The following CEP120 variants were observed in gnomAD, a reference collection of about 807,000 sequenced individuals.
The protein encoded by CEP120 is centrosomal protein 120.
In CEP120, 113 loss-of-function variants were observed where a neutral mutation model predicts 126.5. The ratio of observed to expected loss-of-function variants is 0.89; its 90% CI spans 0.77 to 1.04. The LOEUF is 1.04. Ranked by LOEUF, CEP120 falls within the 50% of genes least tolerant of loss-of-function variation. The pLI is 0.00. For missense variants in CEP120, 1,230 were observed against 1,155.7 expected (o/e 1.06, Z -0.93); for synonymous variants, 400 against 394.3 (o/e 1.01, Z -0.17).
chr5:123,389,294 C>T (rs935695056), intron 8 of CEP120, among the ~76,000 whole-genome samples: 9 of 147,462 alleles, frequency 6.1e-5, no homozygotes, highest in Non-Finnish European at 1.1e-4. Flanking sequence ...CAGTTAACAA[C>T]TGTTTTCTCC....
intron 17 of CEP120, among the ~76,000 whole-genome samples, chr5:123,372,039 A>C (rs1439638908): frequency 2.0e-5 from 3 of 152,126 alleles, no homozygotes; most frequent in African/African-American, 7.2e-5. Flanking sequence ...TTGTTTGTGG[A>C]GGAATCTCAA....
At chr5:123,407,453 AAC>A (rs1773772075) in intron 4 of CEP120, among the ~76,000 whole-genome samples, 1 of 152,226 alleles carries the variant, frequency 6.6e-6, no homozygotes. Context: ...TTTCAGACAG[AAC>A]AGACTTCAGA....
chr5:123,385,632 T>C (rs952822471), intron 10 of CEP120, among the ~76,000 whole-genome samples: 1 of 152,066 alleles, frequency 6.6e-6, no homozygotes, highest in Non-Finnish European at 1.5e-5. Context: ...TTTTTTTTTT[T>C]TTGAGACAGG....
chr5:123,364,389 C>G (rs979141094), intron 18 of CEP120, 107 bp downstream of exon 18: 1 of 482,972 alleles, frequency 2.1e-6, no homozygotes, highest in Non-Finnish European at 3.6e-6. Context: ...CAAAAAATAG[C>G]AATATTCAAA....
At position 123,423,099 on chromosome 5, in the gene CEP120, C is replaced by T. The variant is rs1468296514; in HGVS notation, c.-101G>A. 2.0e-6 allele frequency: 2 copies of T among 979,036 alleles called. No individual in the cohort carries two copies. The highest frequency in any genetic ancestry group is 4.9e-5 in the East Asian group (2 of 41,184). The allele number at this position is 979,036 out of a possible 1,614,324, so 60.6% of individuals were successfully genotyped here. On this transcript the variant is annotated 5_prime_UTR_variant, in exon 1 of 20. Coordinates refer to ENST00000306467, the MANE Select transcript of CEP120 (RefSeq NM_001375405.1). ...CCCCCGGCGGGACCCCCACTGCCCG[C>T]CCCCGGTCCCTGATGCCCGGACCCC...
At chr5:123,419,265 A>C (rs1218967808) in intron 1 of CEP120, among the ~76,000 whole-genome samples, 1 of 152,260 alleles carries the variant, frequency 6.6e-6, no homozygotes, top group South Asian at 2.1e-4. Flanking sequence ...TGCACTACTT[A>C]ATAGAGAACA....
At chr5:123,397,848 C>A (rs1006668416) in intron 5 of CEP120, among the ~76,000 whole-genome samples, 4 of 152,198 alleles carry the variant, frequency 2.6e-5, no homozygotes, top group African/African-American at 9.6e-5. Flanking sequence ...CCTTGCGAGG[C>A]TGAGGTGGGA....
intron 19 of CEP120, among the ~76,000 whole-genome samples, chr5:123,347,111 C>T (rs1768878737): frequency 6.6e-6 from 1 of 152,016 alleles, no homozygotes; most frequent in African/African-American, 2.4e-5. Context: ...TTAAAAAATG[C>T]ATATATGTAC....
At chr5:123,370,548 C>T (rs2127016378) in intron 17 of CEP120, among the ~76,000 whole-genome samples, 1 of 151,656 alleles carries the variant, frequency 6.6e-6, no homozygotes, top group African/African-American at 2.4e-5. Flanking sequence ...GGGATCATGG[C>T]TCACTGTAGT....
intron 10 of CEP120, 101 bp from the exon 11 acceptor site, chr5:123,385,234 T>C (rs1329445749): frequency 2.3e-6 from 2 of 871,430 alleles, no homozygotes; most frequent in Admixed American, 2.9e-5. Context: ...AAAGATGTTT[T>C]TTGTTACCTG....
In CEP120 at chr5:123,423,123, C is replaced by T; in HGVS notation, c.-125G>A. 1.3e-6 allele frequency: 1 copy of T among 774,878 alleles called. No individual in the cohort carries two copies. Among genetic ancestry groups the T allele is most frequent in the East Asian group, 2.6e-5 (1 of 38,316 alleles). The allele number at this position is 774,878 out of a possible 1,614,324, so 48.0% of individuals were successfully genotyped here. On this transcript the variant is annotated 5_prime_UTR_variant, in exon 1 of 20. Coordinates refer to ENST00000306467, the MANE Select transcript of CEP120 (RefSeq NM_001375405.1). ...GCCCCCGGTCCCTGATGCCCGGACCCCGCTCCGCAGCCAGGTCCCACCGCC... is the reference window on the plus strand; with the variant it reads ...GCCCCCGGTCCCTGATGCCCGGACCTCGCTCCGCAGCCAGGTCCCACCGCC...
chr5:123,347,491 G>T (rs1412950646), intron 19 of CEP120, among the ~76,000 whole-genome samples: 1 of 152,140 alleles, frequency 6.6e-6, no homozygotes, highest in African/African-American at 2.4e-5. Flanking sequence ...GCATATGCAT[G>T]TTAAGGTTTT....
chr5:123,404,156 T>C (rs1007324152), intron 4 of CEP120, among the ~76,000 whole-genome samples: 3 of 122,834 alleles, frequency 2.4e-5, no homozygotes, highest in Non-Finnish European at 5.4e-5. Flanking sequence ...CAGGGAAAAA[T>C]ATTCTTCTTC....
At chr5:123,395,973 A>C (rs1226306552) in intron 5 of CEP120, among the ~76,000 whole-genome samples, 1 of 146,006 alleles carries the variant, frequency 6.8e-6, no homozygotes, top group African/African-American at 2.5e-5. Context: ...TGAGCCACTG[A>C]GCCTGGTCTC....
At chr5:123,373,074 T>C (rs1473715666) in intron 16 of CEP120, among the ~76,000 whole-genome samples, 1 of 152,094 alleles carries the variant, frequency 6.6e-6, no homozygotes, top group Non-Finnish European at 1.5e-5. Context: ...CCTAACACTT[T>C]CTTTACACTT....
At position 123,391,277 on chromosome 5, in the gene CEP120, G is replaced by C. The variant is rs769474267; in HGVS notation, c.871C>G (p.Leu291Val). 2 of 1,614,156 alleles carry C rather than the reference G, an allele frequency of 1.2e-6. No individual in the cohort carries two copies. Among genetic ancestry groups the C allele is most frequent in the South Asian group, 1.1e-5 (1 of 91,082 alleles). ...GSTEIPLTGLLKKGSTEINQH... is the reference protein window; with the variant it reads ...GSTEIPLTGLVKKGSTEINQH... ...TTGATTTCTGTACTGCCCTTTTTAA[G>C]TAATCCAGTTAAAGGTATTTCTGTA... is the stretch of plus-strand genomic sequence containing the variant. The change falls in exon 7 of 20, where the codon CTT becomes GTT. Residue 291 changes from leucine (L) to valine (V), a missense_variant. Transcript: ENST00000306467.
rs111564006 is a variant in CEP120 at position 123,378,227 on chromosome 5, G to A, written c.2196+109C>T. 189 of 714,444 alleles carry A rather than the reference G, an allele frequency of 2.6e-4. No individual in the cohort carries two copies. In the African/African-American group the frequency reaches 3.1e-3, roughly 12 times the overall value. 44.3% of individuals were successfully genotyped at this position (714,444 alleles called of 1,614,324 possible). On this transcript the variant is annotated intron_variant, in intron 15 of 19. Coordinates refer to ENST00000306467, the MANE Select transcript of CEP120 (RefSeq NM_001375405.1). The stretch of plus-strand genomic sequence containing the variant: ...CTCATTCTTATAAGCAGCCCATCCT[G>A]AGTCCCTTCTCTCTCGGGACTCTTT...
chr5:123,401,409 G>A (rs1310081132), intron 4 of CEP120: 14 of 1,428,846 alleles, frequency 9.8e-6, no homozygotes, highest in African/African-American at 1.4e-5. Flanking sequence ...CTGATGTTCC[G>A]GTTCATCTCG....
chr5:123,402,099 G>A lies in CEP120; in HGVS notation c.464-2815C>T, dbSNP rs561489669. On this transcript the variant is annotated intron_variant, in intron 4 of 19. Coordinates refer to ENST00000306467, the MANE Select transcript of CEP120 (RefSeq NM_001375405.1). ...CTGGGTGCACACAGCCTGGATGTCG[G>A]GGTCCACCTCCAGGACAAGGGGGCT... is the stretch of plus-strand genomic sequence containing the variant. 5 of 1,567,868 alleles carry A rather than the reference G, an allele frequency of 3.2e-6. No homozygotes were observed. In the East Asian group the frequency reaches 1.1e-4, roughly 35 times the overall value.
Sources: gnomAD v4.1 joint callset for allele counts (sites outside exome capture counted in the v4.1 genomes callset) on GRCh38, gnomAD v4.1.1 for gene constraint, MANE v1.5 for transcripts, NCBI Gene and HGNC (gene_info 2026-07-23, HGNC 2026-07-21) for gene names.